Variants in EYA4 observed in about 807,000 individuals in gnomAD.
The protein encoded by EYA4 is EYA transcriptional coactivator and phosphatase 4, also known as protein phosphatase EYA4.
In EYA4, 31 loss-of-function variants were observed where a neutral mutation model predicts 87.9. The observed-to-expected ratio is 0.35, with a 90% CI of 0.27 to 0.48. The LOEUF (loss-of-function observed/expected upper bound fraction) is 0.48, where lower values mean the gene tolerates loss of function less well. Among genes scored for constraint, EYA4 ranks in the 20% least tolerant of loss-of-function variants. EYA4 has a pLI of 0.99. For synonymous variants in EYA4, 263 were observed against 270.6 expected, an observed-to-expected ratio of 0.97 and a Z score of 0.28; for missense variants, 678 against 761.4, an observed-to-expected ratio of 0.89 and a Z score of 1.29.
chr6:133,279,689 G>A (rs891010794), intron 2 of EYA4, among the ~76,000 whole-genome samples: 3 of 151,856 alleles, frequency 2.0e-5, no homozygotes, highest in African/African-American at 7.3e-5. Context: ...TTTTTCCTTA[G>A]AGTACTCATG....
chr6:133,368,478 C>T (rs979332954), intron 2 of EYA4, among the ~76,000 whole-genome samples: 2 of 151,982 alleles, frequency 1.3e-5, no homozygotes, highest in African/African-American at 4.8e-5. Context: ...ACTTACAGTC[C>T]CTTAAGAAAG....
rs117511845 is a variant in EYA4 at position 133,398,648 on chromosome 6, T to A, written c.83+16207T>A. 6.6e-3 allele frequency among the ~76,000 whole-genome samples: 1,004 copies of A among 152,280 alleles called. 7 individuals are homozygous for A. The highest frequency in any genetic ancestry group is 0.027 in the Middle Eastern group (8 of 294). Reference sequence around the variant, plus strand: ...ACTAAAATTGTTTCTTTTGCATGCATGCTATGGAAGGCTTGCTTAAAAACT... The same window carrying A: ...ACTAAAATTGTTTCTTTTGCATGCAAGCTATGGAAGGCTTGCTTAAAAACT... On this transcript the variant is annotated intron_variant, in intron 3 of 19. Coordinates refer to ENST00000355286, the MANE Select transcript of EYA4 (RefSeq NM_004100.5).
chr6:133,311,518 A>C (rs1379475649), intron 2 of EYA4, among the ~76,000 whole-genome samples: 1 of 151,520 alleles, frequency 6.6e-6, no homozygotes, highest in Non-Finnish European at 1.5e-5. Flanking sequence ...GGAGTCTCCC[A>C]GTGTTGCCCA....
chr6:133,384,682 T>A (rs1318495811), intron 3 of EYA4, among the ~76,000 whole-genome samples: 1 of 152,172 alleles, frequency 6.6e-6, no homozygotes, highest in African/African-American at 2.4e-5. Context: ...CTGGTCAATA[T>A]CTATCAATAA....
At chr6:133,276,149 G>A (rs1777146503) in intron 2 of EYA4, among the ~76,000 whole-genome samples, 2 of 152,178 alleles carry the variant, frequency 1.3e-5, no homozygotes, top group South Asian at 2.1e-4. Context: ...CATCTTAGTG[G>A]TGATGCTTCA....
chr6:133,344,734 A>G (rs535766147), intron 2 of EYA4, among the ~76,000 whole-genome samples: 26 of 152,326 alleles, frequency 1.7e-4, no homozygotes, highest in Middle Eastern at 3.4e-3. Flanking sequence ...ATTTGCATAT[A>G]GTATACATAA....
At chr6:133,466,291 G>C (rs80073578) in intron 10 of EYA4, among the ~76,000 whole-genome samples, 99 of 152,270 alleles carry the variant, frequency 6.5e-4, no homozygotes, top group African/African-American at 2.3e-3. Flanking sequence ...TATTTGAAAA[G>C]AGTTAATCAT....
intron 3 of EYA4, among the ~76,000 whole-genome samples, chr6:133,405,475 CT>C (rs1311037488): frequency 3.3e-5 from 5 of 152,110 alleles, no homozygotes; most frequent in African/African-American, 1.2e-4. Context: ...GATGATGTGA[CT>C]GATTTCCACA....
Position 133,528,736 on chromosome 6 carries a change from C to T in EYA4, c.1851C>T (p.Pro617=). Residue 617 remains proline, a synonymous_variant, in exon 20 of 20, where the codon CCC becomes CCT. Coordinates refer to ENST00000355286, the MANE Select transcript of EYA4 (RefSeq NM_004100.5). ...TCCTAACCACACAGCACAACATGCC[C>T]TTCTGGAGGATATCCAGTCACTCAG... ...EEQAAKKHNM[P]FWRISSHSDL... 1 of 1,613,070 alleles carries T rather than the reference C, an allele frequency of 6.2e-7. No homozygotes were observed. The highest frequency in any genetic ancestry group is 8.5e-7 in the Non-Finnish European group (1 of 1,179,116).
At chr6:133,353,624 C>A (rs187837268) in intron 2 of EYA4, among the ~76,000 whole-genome samples, 111 of 152,280 alleles carry the variant, frequency 7.3e-4, no homozygotes, top group African/African-American at 2.6e-3. Flanking sequence ...CGGATTCTCT[C>A]ACCTTATGTC....
At chr6:133,479,938 C>A (rs1367329079) in intron 11 of EYA4, among the ~76,000 whole-genome samples, 1 of 152,164 alleles carries the variant, frequency 6.6e-6, no homozygotes, top group Non-Finnish European at 1.5e-5. Flanking sequence ...TTAATCATTT[C>A]AGAGTTTTAG....
At chr6:133,483,180 A>G in intron 13 of EYA4, 65 bp downstream of exon 13, 1 of 1,223,338 alleles carries the variant, frequency 8.2e-7, no homozygotes, top group Non-Finnish European at 1.2e-6. Flanking sequence ...TTTAAAATCA[A>G]GGGCTATTTA....
At chr6:133,468,434 C>G (rs1795034354) in intron 10 of EYA4, 132 bp from the exon 11 acceptor site, 1 of 770,208 alleles carries the variant, frequency 1.3e-6, no homozygotes. Context: ...TTAGGATCAC[C>G]TCAAAGCTGT....
At chr6:133,301,466 G>A (rs1176998915) in intron 2 of EYA4, among the ~76,000 whole-genome samples, 1 of 152,100 alleles carries the variant, frequency 6.6e-6, no homozygotes, top group Non-Finnish European at 1.5e-5. Context: ...CTTTTATTTG[G>A]TGAAGAAAAC....
At chr6:133,262,379 G>C (rs1322825288) in intron 1 of EYA4, among the ~76,000 whole-genome samples, 2 of 152,236 alleles carry the variant, frequency 1.3e-5, no homozygotes, top group Non-Finnish European at 2.9e-5. Flanking sequence ...CTCAGTACTG[G>C]TAGGGAAGAG....
chr6:133,495,822 A>G (rs905471107), intron 13 of EYA4, among the ~76,000 whole-genome samples: 25 of 152,206 alleles, frequency 1.6e-4, no homozygotes, highest in African/African-American at 6.0e-4. Context: ...TAGGTTTTGC[A>G]TTTGGAACAA....
intron 2 of EYA4, among the ~76,000 whole-genome samples, chr6:133,294,351 TTTG>T (rs1778781387): frequency 6.6e-6 from 1 of 150,638 alleles, no homozygotes; most frequent in Admixed American, 6.6e-5. Flanking sequence ...CTGTTTTTTT[TTTG>T]TTTTGTTTTT....
intron 11 of EYA4, 21 bp from the exon 12 acceptor site, chr6:133,481,442 C>A (rs773840144): frequency 1.2e-6 from 2 of 1,611,910 alleles, no homozygotes; most frequent in Non-Finnish European, 1.7e-6. Flanking sequence ...CTATTCTTGA[C>A]CTAAGTCATG....
At chr6:133,283,090 T>G (rs1352034556) in intron 2 of EYA4, among the ~76,000 whole-genome samples, 2 of 151,996 alleles carry the variant, frequency 1.3e-5, no homozygotes, top group Non-Finnish European at 2.9e-5. Flanking sequence ...GGTCAGGAGT[T>G]CGAGACCAGC....
Sources: allele counts gnomAD v4.1 joint callset (sites outside exome capture counted in the v4.1 genomes callset), GRCh38; gene constraint gnomAD v4.1.1; transcripts MANE v1.5; gene names NCBI Gene and HGNC (gene_info 2026-07-23, HGNC 2026-07-21).